Variants in PAPPA2 observed in about 807,000 individuals in gnomAD.
The protein encoded by PAPPA2 is pappalysin 2.
A neutral mutation model predicts 176.4 loss-of-function variants in PAPPA2; 86 were observed. The ratio of observed to expected loss-of-function variants is 0.49; its 90% CI spans 0.41 to 0.58. PAPPA2 has a LOEUF of 0.58. Among genes scored for constraint, PAPPA2 ranks in the 20% least tolerant of loss-of-function variants. The probability of loss-of-function intolerance (pLI) is 0.00; values close to 1 mark genes in which losing one functional copy is unlikely to be tolerated. For synonymous variants in PAPPA2, 809 were observed against 852.2 expected, an observed-to-expected ratio of 0.95 and a Z score of 0.88; for missense variants, 2,073 against 2,256.9, an observed-to-expected ratio of 0.92 and a Z score of 1.65.
chr1:176,730,272 T>A (rs886243546), intron 12 of PAPPA2, among the ~76,000 whole-genome samples: 2 of 152,006 alleles, frequency 1.3e-5, no homozygotes. Context: ...AGAATACTTA[T>A]GACTGTCACT....
chr1:176,531,376 C>G (rs767263114), intron 1 of PAPPA2, among the ~76,000 whole-genome samples: 17 of 152,184 alleles, frequency 1.1e-4, no homozygotes, highest in Non-Finnish European at 2.1e-4. Context: ...AAGGCTCTGT[C>G]TGGGCGCTAG....
intron 1 of PAPPA2, among the ~76,000 whole-genome samples, chr1:176,502,141 A>G (rs73042689): frequency 0.016 from 2,411 of 152,298 alleles, 70 homozygotes; most frequent in African/African-American, 0.055. Flanking sequence ...GTCATTTACT[A>G]TCCTCCAGAC....
intron 1 of PAPPA2, among the ~76,000 whole-genome samples, chr1:176,492,865 A>G (rs553414615): frequency 6.6e-6 from 1 of 152,310 alleles, no homozygotes; most frequent in East Asian, 1.9e-4. Flanking sequence ...AGAACTGAAG[A>G]ACAGGTTGAA....
intron 3 of PAPPA2, among the ~76,000 whole-genome samples, chr1:176,612,279 A>G (rs1181485953): frequency 6.6e-6 from 1 of 152,066 alleles, no homozygotes; most frequent in Non-Finnish European, 1.5e-5. Flanking sequence ...CTATAATCCT[A>G]GCTACTTGGG....
At chr1:176,684,925 G>A (rs1284845048) in intron 4 of PAPPA2, among the ~76,000 whole-genome samples, 1 of 152,130 alleles carries the variant, frequency 6.6e-6, no homozygotes, top group Admixed American at 6.5e-5. Flanking sequence ...TTGTCTTCTG[G>A]ATGCCTGCGG....
At chr1:176,724,922 C>G (rs1052549069) in intron 12 of PAPPA2, among the ~76,000 whole-genome samples, 9 of 152,142 alleles carry the variant, frequency 5.9e-5, no homozygotes, top group African/African-American at 2.2e-4. Flanking sequence ...TAAGCACTGG[C>G]TAGTAGAGCT....
At chr1:176,541,609 A>G (rs1573016424) in intron 1 of PAPPA2, among the ~76,000 whole-genome samples, 1 of 152,256 alleles carries the variant, frequency 6.6e-6, no homozygotes, top group East Asian at 1.9e-4. Flanking sequence ...CTTGAATGCC[A>G]TGCCAAACAT....
rs191118661 is a variant in PAPPA2, at chr1:176,611,869, A to T, written c.1991+16274A>T. On this transcript the variant is annotated intron_variant, in intron 3 of 22. Transcript: ENST00000367662. ...TTTCATTTATCCTACTCATTCATCCATTCATTCATTAACTCATCTGAATTT... is the reference window on the plus strand; with the variant it reads ...TTTCATTTATCCTACTCATTCATCCTTTCATTCATTAACTCATCTGAATTT... Among the ~76,000 whole-genome samples the T allele has an allele frequency of 5.3e-5, 8 of 152,230 alleles. No individual in the cohort carries two copies. In the East Asian group the frequency reaches 7.7e-4, roughly 15 times the overall value.
chr1:176,520,769 C>T (rs1382716058), intron 1 of PAPPA2, among the ~76,000 whole-genome samples: 1 of 152,068 alleles, frequency 6.6e-6, no homozygotes, highest in African/African-American at 2.4e-5. Flanking sequence ...ACTGGTCTTG[C>T]AACCAGCCTC....
At chr1:176,517,899 G>T (rs1195526855) in intron 1 of PAPPA2, among the ~76,000 whole-genome samples, 1 of 152,058 alleles carries the variant, frequency 6.6e-6, no homozygotes, top group Non-Finnish European at 1.5e-5. Flanking sequence ...TTGAAAGCAG[G>T]TTTCAGTAGT....
At chr1:176,513,556 T>C (rs1449213950) in intron 1 of PAPPA2, among the ~76,000 whole-genome samples, 1 of 152,154 alleles carries the variant, frequency 6.6e-6, no homozygotes, top group African/African-American at 2.4e-5. Flanking sequence ...TGAATAGAAG[T>C]TGGAAGATCT....
chr1:176,760,432 G>A (rs985934111), intron 14 of PAPPA2, among the ~76,000 whole-genome samples: 27 of 152,238 alleles, frequency 1.8e-4, no homozygotes, highest in African/African-American at 5.5e-4. Flanking sequence ...TTTATGGGGT[G>A]GAGCTTTACT....
In PAPPA2 at chr1:176,692,678, TGGG is replaced by T. The variant is rs530442433; in HGVS notation, c.2624+363_2624+365del. On this transcript the variant is annotated intron_variant, in intron 6 of 22. Transcript: ENST00000367662. ...CAGCTTGCCACTTGCAGAGTGGTGT[TGGG>T]GGAGGGATTACAGCATGCTTCTCCA... 2.4e-4 allele frequency among the ~76,000 whole-genome samples: 37 copies of T among 152,266 alleles called. 1 individual carries two copies. The East Asian group carries it at 6.2e-3, about 25-fold the overall frequency.
chr1:176,555,345 T>C (rs898975393), intron 1 of PAPPA2, 62 bp from the exon 2 acceptor site: 11 of 152,246 alleles, frequency 7.2e-5, no homozygotes, highest in African/African-American at 2.7e-4. Context: ...CAGGAGAGAC[T>C]GGAGAGAACA....
intron 1 of PAPPA2, among the ~76,000 whole-genome samples, chr1:176,482,640 T>C (rs1250224743): frequency 6.6e-6 from 1 of 152,222 alleles, no homozygotes. Flanking sequence ...CTGTTTTCTC[T>C]GTGTTGGCTT....
intron 1 of PAPPA2, among the ~76,000 whole-genome samples, chr1:176,475,128 G>A (rs1363929255): frequency 6.6e-6 from 1 of 152,130 alleles, no homozygotes; most frequent in African/African-American, 2.4e-5. Context: ...TACACAGCAA[G>A]CACAGTACAC....
chr1:176,499,632 T>C (rs1048562851), intron 1 of PAPPA2, among the ~76,000 whole-genome samples: 16 of 152,106 alleles, frequency 1.1e-4, no homozygotes, highest in Non-Finnish European at 1.5e-5. Flanking sequence ...GGGGAGACCA[T>C]GGTGAACAGC....
At chr1:176,613,805 A>C (rs569199882) in intron 3 of PAPPA2, among the ~76,000 whole-genome samples, 1 of 152,290 alleles carries the variant, frequency 6.6e-6, no homozygotes, top group South Asian at 2.1e-4. Flanking sequence ...AATAAGAATA[A>C]AGCCGAGCAC....
intron 17 of PAPPA2, among the ~76,000 whole-genome samples, chr1:176,787,240 T>A (rs934196096): frequency 6.6e-6 from 1 of 151,862 alleles, no homozygotes; most frequent in Non-Finnish European, 1.5e-5. Context: ...GTCATAAAAA[T>A]CAGATTTTTT....
Sources: allele counts gnomAD v4.1 joint callset (sites outside exome capture counted in the v4.1 genomes callset), GRCh38; gene constraint gnomAD v4.1.1; transcripts MANE v1.5; gene names NCBI Gene and HGNC (gene_info 2026-07-23, HGNC 2026-07-21).